Variants in TMPRSS4 observed in about 807,000 individuals in gnomAD.
The protein encoded by TMPRSS4 is transmembrane serine protease 4.
A neutral mutation model predicts 56.4 loss-of-function variants in TMPRSS4; 45 were observed. The observed-to-expected ratio is 0.80, with a 90% CI of 0.63 to 1.02. TMPRSS4 has a LOEUF of 1.02. TMPRSS4 is among the 50% of genes least tolerant of loss of function. The probability of loss-of-function intolerance (pLI) is 0.00; values close to 1 mark genes in which losing one functional copy is unlikely to be tolerated. For missense variants in TMPRSS4, 546 were observed against 556.7 expected (o/e 0.98, Z 0.19); for synonymous variants, 205 against 211.0 (o/e 0.97, Z 0.25).
intron 1 of TMPRSS4, among the ~76,000 whole-genome samples, chr11:118,092,120 A>C (rs1946012738): frequency 6.6e-6 from 1 of 152,236 alleles, no homozygotes; most frequent in South Asian, 2.1e-4. Flanking sequence ...AACGCTGACC[A>C]CCCTATGAGA....
Position 118,115,118 on chromosome 11 carries a change from G to A in TMPRSS4, c.1010-20G>A, listed in dbSNP as rs763285491. 1.9e-6 allele frequency: 3 copies of A among 1,605,520 alleles called. No individual in the cohort carries two copies. The South Asian group carries it at 3.4e-5, about 18-fold the overall frequency. On this transcript the variant is annotated intron_variant, in intron 10 of 12. Transcript: ENST00000437212. Reference sequence around the variant, plus strand: ...GGATAGAAGGCAAGGATGGGAATGTGAGTGTTTTTACCCTCCCAGGGAAGA... The same window carrying A: ...GGATAGAAGGCAAGGATGGGAATGTAAGTGTTTTTACCCTCCCAGGGAAGA...
intron 9 of TMPRSS4, among the ~76,000 whole-genome samples, chr11:118,114,279 G>C (rs1321655241): frequency 1.3e-5 from 2 of 152,144 alleles, no homozygotes; most frequent in Admixed American, 6.5e-5. Context: ...ATCAGGTATG[G>C]CAAGGTGACA....
Position 118,117,896 on chromosome 11 carries a change from T to G in TMPRSS4, c.1303-6T>G. 1 of 1,613,788 alleles carries G rather than the reference T, an allele frequency of 6.2e-7. No homozygotes were observed. Among genetic ancestry groups the G allele is most frequent in the South Asian group, 1.1e-5 (1 of 91,062 alleles). Reference sequence around the variant, plus strand: ...ACTTTCTCTTCATCGGTCTCTCTTATTCTAGGCTGAGCTGTAATGCTGCTG... The same window carrying G: ...ACTTTCTCTTCATCGGTCTCTCTTAGTCTAGGCTGAGCTGTAATGCTGCTG... On this transcript the variant is annotated splice_polypyrimidine_tract_variant and splice_region_variant and intron_variant, in intron 12 of 12. Transcript: ENST00000437212.
chr11:118,106,673 C>G (rs10892214), intron 5 of TMPRSS4: 28,846 of 151,960 alleles, frequency 0.19, 5,039 homozygotes, highest in East Asian at 0.49. Flanking sequence ...TTGTAGAGAC[C>G]GAGTTTCACC....
intron 4 of TMPRSS4, among the ~76,000 whole-genome samples, chr11:118,103,921 C>T (rs570391131): frequency 2.2e-4 from 33 of 152,184 alleles, no homozygotes; most frequent in Middle Eastern, 3.2e-3. Context: ...AGAAAAGAGA[C>T]TTCTCAGCCA....
chr11:118,110,322 G>A lies in TMPRSS4; in HGVS notation c.584-1419G>A, dbSNP rs1204347903. On this transcript the variant is annotated intron_variant, in intron 7 of 12. Coordinates refer to ENST00000437212, the MANE Select transcript of TMPRSS4 (RefSeq NM_019894.4). ...CAATTTTTCCGCAAACCAAGAGGGGGATAGAGAGCATTAGATTCTCTCTTT... is the reference window on the plus strand; with the variant it reads ...CAATTTTTCCGCAAACCAAGAGGGGAATAGAGAGCATTAGATTCTCTCTTT... Among the ~76,000 whole-genome samples, 8 of 150,546 alleles carry A rather than the reference G, an allele frequency of 5.3e-5. No individual in the cohort carries two copies. The Admixed American group carries it at 5.3e-4, about 10-fold the overall frequency.
At chr11:118,109,196 C>T (rs1444323859) in intron 7 of TMPRSS4, among the ~76,000 whole-genome samples, 2 of 152,160 alleles carry the variant, frequency 1.3e-5, no homozygotes, top group East Asian at 3.9e-4. Flanking sequence ...GACGGGGCCT[C>T]CACTGCCTCC....
intron 12 of TMPRSS4, 116 bp from the exon 13 acceptor site, chr11:118,117,786 C>T: frequency 1.3e-6 from 2 of 1,597,222 alleles, no homozygotes; most frequent in South Asian, 2.3e-5. Flanking sequence ...TGGCCCTCTG[C>T]AGGGTAGGGA....
At chr11:118,105,952 T>C (rs1946969400) in intron 5 of TMPRSS4, 1 of 152,218 alleles carries the variant, frequency 6.6e-6, no homozygotes. Flanking sequence ...CTTCTGCTGC[T>C]CTCTACTTTC....
intron 1 of TMPRSS4, among the ~76,000 whole-genome samples, chr11:118,091,083 C>T (rs1945915950): frequency 6.6e-6 from 1 of 152,154 alleles, no homozygotes; most frequent in African/African-American, 2.4e-5. Context: ...GGAAAGGGCC[C>T]ACTTCCCTGC....
At chr11:118,085,957 A>C (rs1945524374) in intron 1 of TMPRSS4, among the ~76,000 whole-genome samples, 1 of 152,252 alleles carries the variant, frequency 6.6e-6, no homozygotes, top group Admixed American at 6.5e-5. Flanking sequence ...TGCTTCCCCT[A>C]GGACAAAGAG....
chr11:118,083,535 T>C (rs10160375), intron 1 of TMPRSS4, among the ~76,000 whole-genome samples: 53,488 of 151,986 alleles, frequency 0.35, 9,908 homozygotes, highest in South Asian at 0.52. Context: ...ATGAAGCTCC[T>C]TCCCATTAAC....
chr11:118,094,636 C>G (rs548472972), intron 1 of TMPRSS4, among the ~76,000 whole-genome samples, 180 bp from the exon 2 acceptor site: 5 of 152,298 alleles, frequency 3.3e-5, no homozygotes, highest in South Asian at 2.1e-4. Context: ...CTAATTGAAA[C>G]AGATCAAACA....
At chr11:118,089,580 C>A (rs577522582) in intron 1 of TMPRSS4, among the ~76,000 whole-genome samples, 1 of 152,290 alleles carries the variant, frequency 6.6e-6, no homozygotes, top group South Asian at 2.1e-4. Context: ...TTAATAGTAA[C>A]CTACATCTAA....
At position 118,111,723 on chromosome 11, in the gene TMPRSS4, G is replaced by C; in HGVS notation, c.584-18G>C. On this transcript the variant is annotated intron_variant, in intron 7 of 12. Transcript: ENST00000437212. ...CAGCCTGACTTCCTGCCTCCTCCCT[G>C]CCTCTGCCTGTGTCCAGCCTGTGGG... 6.5e-7 allele frequency: 1 copy of C among 1,546,656 alleles called. No individual in the cohort carries two copies. Among genetic ancestry groups the C allele is most frequent in the Non-Finnish European group, 8.7e-7 (1 of 1,151,016 alleles).
chr11:118,091,943 T>C (rs1946000166), intron 1 of TMPRSS4, among the ~76,000 whole-genome samples: 1 of 152,166 alleles, frequency 6.6e-6, no homozygotes, highest in South Asian at 2.1e-4. Flanking sequence ...TGAACTACAA[T>C]GCAGAGCTCA....
intron 2 of TMPRSS4, chr11:118,095,509 A>G (rs1042827548): frequency 6.6e-6 from 1 of 152,488 alleles, no homozygotes; most frequent in African/African-American, 2.4e-5. Flanking sequence ...TAATGACCAC[A>G]AATGAAGTAA....
chr11:118,108,581 T>G, intron 6 of TMPRSS4: 1 of 479,554 alleles, frequency 2.1e-6, no homozygotes, highest in Non-Finnish European at 3.7e-6. Flanking sequence ...CTCTTCCCTC[T>G]TGGGTCCCAG....
chr11:118,099,449 GAGAA>G (rs1323147751), intron 3 of TMPRSS4, among the ~76,000 whole-genome samples: 2 of 32,312 alleles, frequency 6.2e-5, no homozygotes, highest in African/African-American at 2.2e-4. Flanking sequence ...AGAAAGAAGA[GAGAA>G]AGAGAGAAAG....
Sources: allele counts gnomAD v4.1 joint callset (sites outside exome capture counted in the v4.1 genomes callset), GRCh38; gene constraint gnomAD v4.1.1; transcripts MANE v1.5; gene names NCBI Gene and HGNC (gene_info 2026-07-23, HGNC 2026-07-21).